The following PTPRD variants were observed in gnomAD, a reference collection of about 807,000 sequenced individuals.
PTPRD encodes protein tyrosine phosphatase receptor type D.
In PTPRD, 34 loss-of-function variants were observed where a neutral mutation model predicts 214.5. The ratio of observed to expected loss-of-function variants is 0.16; its 90% CI spans 0.12 to 0.21. The LOEUF is 0.21. Ranked by LOEUF, PTPRD falls within the 10% of genes least tolerant of loss-of-function variation. The pLI, the probability that PTPRD is intolerant of heterozygous loss-of-function variation, is 1.00. For missense variants in PTPRD, 2,545 were observed against 2,398.7 expected, an observed-to-expected ratio of 1.06 and a Z score of -1.27; for synonymous variants, 1,128 against 845.7, an observed-to-expected ratio of 1.33 and a Z score of -5.79.
intron 11 of PTPRD, among the ~76,000 whole-genome samples, chr9:8,836,190 C>G (rs2097417860): frequency 6.6e-6 from 1 of 152,026 alleles, no homozygotes; most frequent in Non-Finnish European, 1.5e-5. Flanking sequence ...TATAATATAA[C>G]CAAAGTTAGT....
intron 39 of PTPRD, among the ~76,000 whole-genome samples, chr9:8,350,855 A>G (rs550887205): frequency 7.2e-5 from 11 of 152,182 alleles, no homozygotes; most frequent in Non-Finnish European, 1.5e-4. Context: ...CATACACTAT[A>G]TCCCTATACT....
intron 2 of PTPRD, among the ~76,000 whole-genome samples, chr9:10,562,858 T>A (rs892052915): frequency 1.3e-5 from 2 of 152,144 alleles, no homozygotes; most frequent in Non-Finnish European, 2.9e-5. Context: ...GATACTTGAT[T>A]TATATCATGC....
chr9:10,395,954 T>TGAGAGAGAGAGAGAGAGAGAGAGAGAGA (rs368100918), intron 2 of PTPRD, among the ~76,000 whole-genome samples: 134 of 134,346 alleles, frequency 1.0e-3, no homozygotes, highest in South Asian at 7.3e-3. Flanking sequence ...ATAGAGAGAA[T>TGAGAGAGAGAGAGAGAGAGAGAGAGAGA]GAGAGAGAGA....
At chr9:9,860,761 C>G (rs1448711377) in intron 5 of PTPRD, among the ~76,000 whole-genome samples, 1 of 152,066 alleles carries the variant, frequency 6.6e-6, no homozygotes, top group Admixed American at 6.5e-5. Context: ...CATTACTGAT[C>G]CACACCACAG....
chr9:9,968,147 C>A (rs180945102), intron 4 of PTPRD, among the ~76,000 whole-genome samples: 1 of 152,104 alleles, frequency 6.6e-6, no homozygotes, highest in Admixed American at 6.6e-5. Context: ...TTAAAGGGAA[C>A]CTATTATTCT....
chr9:9,538,662 G>C (rs1052173237), intron 8 of PTPRD, among the ~76,000 whole-genome samples: 2 of 151,814 alleles, frequency 1.3e-5, no homozygotes, highest in African/African-American at 4.8e-5. Flanking sequence ...AATTAATGCA[G>C]GCAGACAGGA....
intron 5 of PTPRD, among the ~76,000 whole-genome samples, chr9:9,893,994 G>T (rs991723632): frequency 3.3e-5 from 5 of 151,960 alleles, no homozygotes; most frequent in Admixed American, 1.3e-4. Context: ...GTTGGTATTT[G>T]GTAGAGAAGG....
At chr9:8,544,890 T>C (rs974399953) in intron 14 of PTPRD, among the ~76,000 whole-genome samples, 18 of 60,178 alleles carry the variant, frequency 3.0e-4, no homozygotes, top group African/African-American at 1.3e-3. Flanking sequence ...AAGACAGTCC[T>C]TTTTTTTTTT....
rs1317676303 is a variant in PTPRD at position 9,645,369 on chromosome 9, CA to C, written c.-286-70589del. ...GGAGAGCTCATTCATATTAAACTCC[CA>C]ATTTTTTTGTTTGTTTGGGAAGACT... On this transcript the variant is annotated intron_variant, in intron 7 of 45. Coordinates refer to ENST00000381196, the MANE Select transcript of PTPRD (RefSeq NM_002839.4). Among the ~76,000 whole-genome samples, 4 of 151,676 alleles carry C rather than the reference CA, an allele frequency of 2.6e-5. No homozygotes were observed. In the East Asian group the frequency reaches 7.7e-4, roughly 29 times the overall value.
intron 2 of PTPRD, among the ~76,000 whole-genome samples, chr9:10,535,280 G>A (rs2057487906): frequency 6.6e-6 from 1 of 152,060 alleles, no homozygotes; most frequent in South Asian, 2.1e-4. Flanking sequence ...AAGTCCAAAT[G>A]TTATTTTGTT....
chr9:9,653,581 C>G (rs2154374679), intron 7 of PTPRD, among the ~76,000 whole-genome samples: 1 of 152,150 alleles, frequency 6.6e-6, no homozygotes, highest in South Asian at 2.1e-4. Context: ...TTGTAATAGG[C>G]TGCTTACCTG....
intron 5 of PTPRD, among the ~76,000 whole-genome samples, chr9:9,909,151 T>C (rs2153823677): frequency 6.6e-6 from 1 of 152,048 alleles, no homozygotes; most frequent in South Asian, 2.1e-4. Context: ...ATTGCTGATA[T>C]ACATATTTTG....
At chr9:10,237,201 T>A (rs1472747523) in intron 3 of PTPRD, among the ~76,000 whole-genome samples, 1 of 151,854 alleles carries the variant, frequency 6.6e-6, no homozygotes, top group Non-Finnish European at 1.5e-5. Context: ...TGGGAATCTT[T>A]GTACCATCCT....
chr9:8,794,340 A>T (rs1220373240), intron 11 of PTPRD, among the ~76,000 whole-genome samples: 1 of 152,178 alleles, frequency 6.6e-6, no homozygotes, highest in Non-Finnish European at 1.5e-5. Flanking sequence ...AATAATACTT[A>T]AGCCCATTTT....
intron 4 of PTPRD, among the ~76,000 whole-genome samples, chr9:10,025,699 A>G (rs1055855810): frequency 5.3e-5 from 8 of 152,180 alleles, no homozygotes; most frequent in African/African-American, 1.2e-4. Flanking sequence ...ACTTTTAGAA[A>G]ATAAGAAATT....
chr9:9,625,940 T>C (rs2154355996), intron 7 of PTPRD, among the ~76,000 whole-genome samples: 1 of 152,280 alleles, frequency 6.6e-6, no homozygotes, highest in Non-Finnish European at 1.5e-5. Context: ...ATAAATGTTT[T>C]TGTCCTTGTG....
At chr9:9,461,162 G>T (rs937834236) in intron 8 of PTPRD, among the ~76,000 whole-genome samples, 27 of 150,832 alleles carry the variant, frequency 1.8e-4, no homozygotes, top group Non-Finnish European at 3.0e-4. Flanking sequence ...GACACTGGGG[G>T]ATCTAAAATG....
chr9:9,518,465 A>G (rs1013347690), intron 8 of PTPRD, among the ~76,000 whole-genome samples: 1 of 152,212 alleles, frequency 6.6e-6, no homozygotes, highest in Non-Finnish European at 1.5e-5. Flanking sequence ...AACAAAATGC[A>G]TAATGAAATC....
intron 4 of PTPRD, among the ~76,000 whole-genome samples, chr9:9,994,531 G>C (rs2154083278): frequency 6.6e-6 from 1 of 152,054 alleles, no homozygotes; most frequent in South Asian, 2.1e-4. Context: ...TTTGAACTCA[G>C]CTGTTATAAC....
Sources: gnomAD v4.1 joint callset for allele counts (sites outside exome capture counted in the v4.1 genomes callset) on GRCh38, gnomAD v4.1.1 for gene constraint, MANE v1.5 for transcripts, NCBI Gene and HGNC (gene_info 2026-07-23, HGNC 2026-07-21) for gene names.